The following MCF2 variants were observed in gnomAD, a reference collection of about 807,000 sequenced individuals.
MCF2 encodes the protein proto-oncogene DBL.
In MCF2, 44 loss-of-function variants were observed where a neutral mutation model predicts 82.5. The ratio of observed to expected loss-of-function variants is 0.53; its 90% CI spans 0.42 to 0.69. The LOEUF is 0.69. Ranked by LOEUF, MCF2 falls within the 30% of genes least tolerant of loss-of-function variation. MCF2 has a pLI of 0.00. For synonymous variants in MCF2, 217 were observed against 224.9 expected (o/e 0.96, Z 0.32); for missense variants, 623 against 663.1 (o/e 0.94, Z 0.66).
chrX:139,609,900 C>T lies in MCF2; in HGVS notation c.1401+401G>A, dbSNP rs778920156. On this transcript the variant is annotated intron_variant, in intron 11 of 24. Transcript: ENST00000370576. ...TCTTTTTTGAGCTAAGAGTTAGCCTCTGCATGGTCCATTAGAACCTGTCCT... is the reference window on the plus strand; with the variant it reads ...TCTTTTTTGAGCTAAGAGTTAGCCTTTGCATGGTCCATTAGAACCTGTCCT... Among the ~76,000 whole-genome samples, 92 of 112,620 alleles carry T rather than the reference C, an allele frequency of 8.2e-4. 1 individual carries two copies. The highest frequency in any genetic ancestry group is 1.0e-3 in the Non-Finnish European group (54 of 53,299).
intron 1 of MCF2, among the ~76,000 whole-genome samples, chrX:139,663,188 A>G (rs1164696105): frequency 8.9e-6 from 1 of 112,158 alleles, no homozygotes; most frequent in Non-Finnish European, 1.9e-5. Flanking sequence ...TGAAATGGTA[A>G]TTGTATTTTT....
At chrX:139,691,457 T>C (rs1037145279) in intron 1 of MCF2, among the ~76,000 whole-genome samples, 6 of 111,906 alleles carry the variant, frequency 5.4e-5, no homozygotes, top group Admixed American at 4.7e-4. Context: ...AGATGCAGTG[T>C]GGGAAGATAC....
At chrX:139,619,529 C>T (rs992928399) in intron 7 of MCF2, 58 bp downstream of exon 10, 15 of 917,084 alleles carry the variant, frequency 1.6e-5, no homozygotes, top group African/African-American at 1.4e-4. Context: ...TACCTACTCC[C>T]GCCAAAACAT....
At chrX:139,654,143 CT>C (rs770070533) in intron 1 of MCF2, among the ~76,000 whole-genome samples, 7 of 111,415 alleles carry the variant, frequency 6.3e-5, no homozygotes, top group Non-Finnish European at 1.3e-4. Context: ...GACTTTCTTT[CT>C]TTTGAATATG....
At chrX:139,646,419 T>C (rs183052568), upstream of MCF2, among the ~76,000 whole-genome samples, 10 of 112,267 alleles carry the variant, frequency 8.9e-5, no homozygotes, top group East Asian at 2.8e-3. Context: ...CTACTTAAGA[T>C]TCAGTCTTCT....
intron 1 of MCF2, among the ~76,000 whole-genome samples, chrX:139,697,014 G>T (rs1935398394): frequency 8.9e-6 from 1 of 112,159 alleles, no homozygotes; most frequent in African/African-American, 3.2e-5. Flanking sequence ...TGGCATCTAT[G>T]TACTTCAACA....
intron 24 of MCF2, among the ~76,000 whole-genome samples, chrX:139,584,662 T>C (rs1287207983): frequency 8.9e-6 from 1 of 112,093 alleles, no homozygotes; most frequent in Non-Finnish European, 1.9e-5. Context: ...TTAAATCGTT[T>C]TTAATGTATA....
rs1219399600 is a variant in MCF2 at position 139,599,098 on chromosome X, A to G, written c.1837-600T>C. On this transcript the variant is annotated intron_variant, in intron 16 of 24. Transcript: ENST00000370576. ...AGGATGAAATGTGCATAGAGAAAGT[A>G]TAGAACACAAAGGGATTGGGGAAAA... 2.7e-5 allele frequency among the ~76,000 whole-genome samples: 3 copies of G among 109,669 alleles called. No homozygotes were observed. In the East Asian group the frequency reaches 8.7e-4, roughly 32 times the overall value.
At chrX:139,694,165 A>G (rs2148579904) in intron 1 of MCF2, among the ~76,000 whole-genome samples, 1 of 112,107 alleles carries the variant, frequency 8.9e-6, no homozygotes, top group South Asian at 3.7e-4. Flanking sequence ...TTTTTAAAAA[A>G]GAAGGAAATA....
intron 1 of MCF2, among the ~76,000 whole-genome samples, chrX:139,671,721 G>A (rs2148553163): frequency 8.9e-6 from 1 of 111,771 alleles, no homozygotes; most frequent in Non-Finnish European, 1.9e-5. Context: ...CTGTAGCCTT[G>A]TAATATAGTT....
At chrX:139,597,529 G>A (rs769020781) in exon 18 of MCF2, 1 of 1,186,323 alleles carries the variant, frequency 8.4e-7, no homozygotes, top group African/African-American at 1.8e-5. Flanking sequence ...GCATTGCATC[G>A]AGTGCCTTCT....
intron 24 of MCF2, 63 bp downstream of exon 28, chrX:139,585,003 C>T (rs1186358520): frequency 2.6e-6 from 2 of 782,506 alleles, no homozygotes; most frequent in African/African-American, 2.1e-5. Context: ...CCCCTATGTG[C>T]TCCACCTATA....
intron 19 of MCF2, among the ~76,000 whole-genome samples, chrX:139,594,933 T>G (rs1183945815): frequency 9.0e-6 from 1 of 110,917 alleles, no homozygotes; most frequent in African/African-American, 3.3e-5. Flanking sequence ...AACAGACACT[T>G]CTCAAAAGAA....
At chrX:139,619,968 G>A (rs1376766618) in intron 6 of MCF2, among the ~76,000 whole-genome samples, 1 of 105,957 alleles carries the variant, frequency 9.4e-6, no homozygotes, top group African/African-American at 3.4e-5. Context: ...AAATGTATAC[G>A]TGTGAGGTAT....
chrX:139,667,667 T>C (rs1220272284), intron 1 of MCF2, among the ~76,000 whole-genome samples: 1 of 111,818 alleles, frequency 8.9e-6, no homozygotes, highest in Non-Finnish European at 1.9e-5. Flanking sequence ...GAGCAGGCAC[T>C]GCTTGTGGTA....
chrX:139,632,457 G>A lies in MCF2; in HGVS notation c.52-3C>T, dbSNP rs1365368272. The A allele has an allele frequency of 2.5e-6, 3 of 1,193,509 alleles. No homozygotes were observed. Among genetic ancestry groups the A allele is most frequent in the Non-Finnish European group, 3.4e-6 (3 of 887,576 alleles). On this transcript the variant is annotated splice_region_variant and splice_polypyrimidine_tract_variant and intron_variant, in intron 1 of 24. Transcript: ENST00000370576. ...TGCAAGTTCCCAGGGAAGGAAGCCT[G>A]TAGAAAGAAAGAACAAAAGAAATTG...
At chrX:139,600,232 G>A (rs1290093974) in intron 16 of MCF2, among the ~76,000 whole-genome samples, 4 of 111,347 alleles carry the variant, frequency 3.6e-5, no homozygotes, top group African/African-American at 1.3e-4. Flanking sequence ...GTACAACCTT[G>A]TGAATCTAGT....
intron 4 of MCF2, among the ~76,000 whole-genome samples, chrX:139,627,281 A>G (rs903481496): frequency 1.1e-4 from 12 of 112,071 alleles, no homozygotes; most frequent in African/African-American, 3.9e-4. Context: ...TAGTAGCACA[A>G]TAAAAACCAC....
intron 1 of MCF2, among the ~76,000 whole-genome samples, 177 bp from the exon 2 acceptor site, chrX:139,651,965 G>A (rs5953516): frequency 0.025 from 2,725 of 110,940 alleles, 88 homozygotes; most frequent in African/African-American, 0.084. Flanking sequence ...AATCACACTC[G>A]AAAATATCAC....
Sources: gnomAD v4.1 joint callset for allele counts (sites outside exome capture counted in the v4.1 genomes callset) on GRCh38, gnomAD v4.1.1 for gene constraint, MANE v1.5 for transcripts, NCBI Gene and HGNC (gene_info 2026-07-23, HGNC 2026-07-21) for gene names.